The following CLTCL1 variants were observed in gnomAD, a reference collection of about 807,000 sequenced individuals.
CLTCL1 encodes the protein clathrin heavy chain like 1.
In CLTCL1, 159 loss-of-function variants were observed where a neutral mutation model predicts 190.0. The ratio of observed to expected loss-of-function variants is 0.84; its 90% confidence interval spans 0.74 to 0.95. The LOEUF is 0.95. Among genes scored for constraint, CLTCL1 ranks in the 40% least tolerant of loss-of-function variants. The pLI, the probability that CLTCL1 is intolerant of heterozygous loss-of-function variation, is 0.00. For synonymous variants in CLTCL1, 752 were observed against 769.6 expected (o/e 0.98, Z 0.38); for missense variants, 1,878 against 2,033.4 (o/e 0.92, Z 1.47).
intron 4 of CLTCL1, among the ~76,000 whole-genome samples, chr22:19,241,960 G>C (rs1441396574): frequency 8.9e-6 from 1 of 112,168 alleles, no homozygotes; most frequent in Non-Finnish European, 1.9e-5. Flanking sequence ...TTTTTTTTTT[G>C]GAGATGGAGT....
At chr22:19,227,730 G>A (rs979384982) in intron 11 of CLTCL1, among the ~76,000 whole-genome samples, 1 of 152,156 alleles carries the variant, frequency 6.6e-6, no homozygotes, top group African/African-American at 2.4e-5. Context: ...TGGGATTACA[G>A]GTGTGAGCCA....
chr22:19,289,569 C>T (rs782178318), intron 1 of CLTCL1, among the ~76,000 whole-genome samples: 1 of 151,950 alleles, frequency 6.6e-6, no homozygotes, highest in African/African-American at 2.4e-5. Flanking sequence ...ACAAGAGCTT[C>T]GTGGGGACAA....
intron 31 of CLTCL1, 33 bp from the exon 32 acceptor site, chr22:19,180,271 G>GGACA: frequency 6.2e-7 from 1 of 1,613,256 alleles, no homozygotes; most frequent in South Asian, 1.1e-5. Flanking sequence ...AATGGTGGAA[G>GGACA]GACACACTCA....
chr22:19,186,338 G>A (rs190915308), intron 29 of CLTCL1, among the ~76,000 whole-genome samples: 120 of 152,080 alleles, frequency 7.9e-4, no homozygotes, highest in African/African-American at 2.7e-3. Flanking sequence ...CCTCACCCCC[G>A]CGGGGAGATG....
At chr22:19,260,491 A>G (rs889245201) in intron 2 of CLTCL1, among the ~76,000 whole-genome samples, 4 of 148,658 alleles carry the variant, frequency 2.7e-5, no homozygotes, top group Admixed American at 2.0e-4. Flanking sequence ...ATTATGCTAA[A>G]TTGACTGGGC....
At chr22:19,268,382 A>C (rs2087191426) in intron 2 of CLTCL1, among the ~76,000 whole-genome samples, 1 of 152,226 alleles carries the variant, frequency 6.6e-6, no homozygotes, top group Non-Finnish European at 1.5e-5. Context: ...AAACAGACTA[A>C]GACAAGATGT....
intron 22 of CLTCL1, among the ~76,000 whole-genome samples, chr22:19,205,848 C>T (rs1352526814): frequency 1.3e-5 from 2 of 151,954 alleles, no homozygotes; most frequent in African/African-American, 4.8e-5. Flanking sequence ...TTAATTCTTT[C>T]ATCTGGAATT....
intron 2 of CLTCL1, among the ~76,000 whole-genome samples, chr22:19,273,055 C>A (rs11703501): frequency 2.0e-5 from 3 of 152,108 alleles, no homozygotes; most frequent in African/African-American, 7.2e-5. Flanking sequence ...CACCCCCCCA[C>A]ACACCCTGTA....
intron 4 of CLTCL1, among the ~76,000 whole-genome samples, chr22:19,239,932 T>C (rs966376651): frequency 1.3e-5 from 2 of 151,344 alleles, no homozygotes; most frequent in Non-Finnish European, 2.9e-5. Flanking sequence ...GCCTTCCCTA[T>C]AACTTTCTTT....
intron 3 of CLTCL1, among the ~76,000 whole-genome samples, chr22:19,253,013 C>CA (rs36070702): frequency 0.015 from 909 of 61,144 alleles, 10 homozygotes; most frequent in African/African-American, 0.02. Context: ...GACTCCGTCT[C>CA]AAAAAAAAAA....
intron 1 of CLTCL1, among the ~76,000 whole-genome samples, chr22:19,289,702 G>A (rs550909206): frequency 6.6e-6 from 1 of 152,240 alleles, no homozygotes; most frequent in African/African-American, 2.4e-5. Context: ...ATGACTGAAC[G>A]AGGCTCCCTT....
chr22:19,216,058 A>G (rs1407395175), intron 19 of CLTCL1, 53 bp downstream of exon 19: 11 of 1,567,400 alleles, frequency 7.0e-6, no homozygotes, highest in Non-Finnish European at 8.7e-6. Flanking sequence ...ATGAGTATCA[A>G]GCAGATGTTT....
chr22:19,180,113 C>G (rs2146166434), intron 32 of CLTCL1, 86 bp downstream of exon 32: 3 of 1,184,138 alleles, frequency 2.5e-6, no homozygotes, highest in Non-Finnish European at 3.8e-6. Flanking sequence ...CCCAAGAGAG[C>G]AGGCATCCAG....
At chr22:19,238,481 GCTC>G (rs1402278525) in intron 5 of CLTCL1, 1 of 199,948 alleles carries the variant, frequency 5.0e-6, no homozygotes, top group Admixed American at 4.6e-5. Flanking sequence ...ACAATATTCT[GCTC>G]CTCAATAAGG....
At chr22:19,181,221 C>T in intron 30 of CLTCL1, 1 of 177,278 alleles carries the variant, frequency 5.6e-6, no homozygotes, top group Non-Finnish European at 1.2e-5. Context: ...AGTTTGCCCG[C>T]CCCTCCAAAC....
At chr22:19,242,572 C>T (rs1208802873) in intron 4 of CLTCL1, among the ~76,000 whole-genome samples, 1 of 152,146 alleles carries the variant, frequency 6.6e-6, no homozygotes, top group Non-Finnish European at 1.5e-5. Flanking sequence ...GGATTACAGG[C>T]GTGAGCCACC....
chr22:19,284,603 T>G (rs539815881), intron 1 of CLTCL1, among the ~76,000 whole-genome samples: 1 of 152,068 alleles, frequency 6.6e-6, no homozygotes, highest in African/African-American at 2.4e-5. Flanking sequence ...GAGGCTGCAG[T>G]GAGCCAAGAC....
At position 19,191,374 on chromosome 22, in the gene CLTCL1, A is replaced by G. The variant is rs1555931913; in HGVS notation, c.4253T>C (p.Leu1418Pro). Residue 1418 changes from leucine (L) to proline (P), a missense_variant, in exon 27 of 33, where the codon CTC becomes CCC. Coordinates refer to ENST00000427926, the MANE Select transcript of CLTCL1 (RefSeq NM_007098.4). ...AAGCACCAGCAGCAGGTCATTGATG[A>G]GCAGTGGTTTGTAATCCAAATAGAA... ...LQFYLDYKPL[L>P]INDLLLVLSP... 2 of 1,614,026 alleles carry G rather than the reference A, an allele frequency of 1.2e-6. No individual in the cohort carries two copies. Among genetic ancestry groups the G allele is most frequent in the Non-Finnish European group, 8.5e-7 (1 of 1,179,902 alleles).
chr22:19,252,287 C>T (rs1303201582), intron 3 of CLTCL1, among the ~76,000 whole-genome samples: 1 of 152,178 alleles, frequency 6.6e-6, no homozygotes, highest in African/African-American at 2.4e-5. Flanking sequence ...AAACCTGCTA[C>T]ATAATTCCCA....
Sources: allele counts gnomAD v4.1 joint callset (sites outside exome capture counted in the v4.1 genomes callset), GRCh38; gene constraint gnomAD v4.1.1; transcripts MANE v1.5; gene names NCBI Gene and HGNC (gene_info 2026-07-23, HGNC 2026-07-21).